Variants in HHIP observed in about 807,000 individuals in gnomAD.
HHIP encodes hedgehog interacting protein.
Under a neutral mutation model 74.0 loss-of-function variants are expected in HHIP, and 12 were observed. The observed-to-expected ratio is 0.16, with a 90% CI of 0.10 to 0.26. The LOEUF (loss-of-function observed/expected upper bound fraction) is 0.26. Among genes scored for constraint, HHIP ranks in the 10% least tolerant of loss-of-function variants. The pLI is 1.00. For missense variants in HHIP, 788 were observed against 845.0 expected, an observed-to-expected ratio of 0.93 and a Z score of 0.84; for synonymous variants, 309 against 311.6, an observed-to-expected ratio of 0.99 and a Z score of 0.09.
chr4:144,726,758 A>G (rs777108959), intron 11 of HHIP, among the ~76,000 whole-genome samples: 26 of 152,220 alleles, frequency 1.7e-4, no homozygotes, highest in Non-Finnish European at 3.2e-4. Context: ...CACAAGCAGA[A>G]AAAGCCTTCT....
intron 11 of HHIP, among the ~76,000 whole-genome samples, chr4:144,721,913 A>G: frequency 6.6e-6 from 1 of 152,016 alleles, no homozygotes; most frequent in East Asian, 1.9e-4. Flanking sequence ...AAAAAAAAAA[A>G]AAAAGCAACT....
chr4:144,692,216 G>T (rs1729693275), intron 4 of HHIP, among the ~76,000 whole-genome samples: 2 of 152,110 alleles, frequency 1.3e-5, no homozygotes, highest in Non-Finnish European at 2.9e-5. Context: ...GAAGCTCAGG[G>T]GTGTTAAATT....
chr4:144,724,531 A>G (rs919700745), intron 11 of HHIP, among the ~76,000 whole-genome samples: 1 of 151,460 alleles, frequency 6.6e-6, no homozygotes, highest in Non-Finnish European at 1.5e-5. Flanking sequence ...ATATATTTAC[A>G]GTGTACAACA....
At chr4:144,689,326 A>G (rs1403098299) in intron 4 of HHIP, among the ~76,000 whole-genome samples, 2 of 152,238 alleles carry the variant, frequency 1.3e-5, no homozygotes, top group African/African-American at 4.8e-5. Context: ...TGAGAATGAC[A>G]TCATAATGAT....
chr4:144,646,556 G>A lies in HHIP; in HGVS notation c.-120G>A, dbSNP rs1728263854. 2.0e-6 allele frequency: 2 copies of A among 992,104 alleles called. No individual in the cohort carries two copies. The highest frequency in any genetic ancestry group is 3.0e-6 in the Non-Finnish European group (2 of 664,850). 61.5% of individuals were successfully genotyped at this position (992,104 alleles called of 1,614,324 possible). On this transcript the variant is annotated 5_prime_UTR_variant, in exon 1 of 13. Coordinates refer to ENST00000296575, the MANE Select transcript of HHIP (RefSeq NM_022475.3). ...ATTTTTGTCCCCGCCACCTCCCTCT[G>A]TCTCTGGAGTGCCCTACAGCCCCGC...
At chr4:144,654,695 G>T (rs147301347) in intron 2 of HHIP, among the ~76,000 whole-genome samples, 9 of 152,284 alleles carry the variant, frequency 5.9e-5, no homozygotes, top group African/African-American at 2.2e-4. Flanking sequence ...CAGCACAGAA[G>T]TGTCTTTACA....
chr4:144,714,378 T>C (rs1287478881), intron 9 of HHIP, 30 bp downstream of exon 9: 3 of 1,609,338 alleles, frequency 1.9e-6, no homozygotes, highest in East Asian at 2.2e-5. Flanking sequence ...AACAGTATGA[T>C]ATACCAAATG....
At chr4:144,706,813 C>A in intron 5 of HHIP, 131 bp downstream of exon 5, 1 of 825,038 alleles carries the variant, frequency 1.2e-6, no homozygotes, top group Non-Finnish European at 1.9e-6. Context: ...TTACCTCCAT[C>A]TTGCTGAAAA....
At chr4:144,736,927 C>A (rs1280405392) in intron 12 of HHIP, among the ~76,000 whole-genome samples, 1 of 152,126 alleles carries the variant, frequency 6.6e-6, no homozygotes, top group African/African-American at 2.4e-5. Flanking sequence ...TTTGAAAGGT[C>A]AAAATGACCC....
At chr4:144,711,913 C>A (rs199682054) in intron 7 of HHIP, 37 bp from the exon 8 acceptor site, 6 of 1,592,806 alleles carry the variant, frequency 3.8e-6, no homozygotes, top group Non-Finnish European at 5.1e-6. Flanking sequence ...GAAAAGATCA[C>A]GGTAGGAATT....
In HHIP at chr4:144,691,791, C is replaced by T. The variant is rs557743014; in HGVS notation, c.832-14740C>T. On this transcript the variant is annotated intron_variant, in intron 4 of 12. Coordinates refer to ENST00000296575, the MANE Select transcript of HHIP (RefSeq NM_022475.3). ...TAAGTACCATCAGCAATGCCTCCTC[C>T]AAAGCCCTCACTCTAAAGTCACTTG... Among the ~76,000 whole-genome samples, 36 of 152,106 alleles carry T rather than the reference C, an allele frequency of 2.4e-4. No individual in the cohort carries two copies. The South Asian group carries it at 4.4e-3, about 18-fold the overall frequency.
At chr4:144,718,740 T>C (rs1320678011) in intron 10 of HHIP, 135 bp from the exon 11 acceptor site, 6 of 676,660 alleles carry the variant, frequency 8.9e-6, no homozygotes, top group East Asian at 8.1e-5. Context: ...TGTGAGACTC[T>C]TGCATAATCT....
intron 4 of HHIP, among the ~76,000 whole-genome samples, chr4:144,682,692 T>C (rs561826308): frequency 6.6e-6 from 1 of 152,368 alleles, no homozygotes; most frequent in East Asian, 1.9e-4. Flanking sequence ...CATCTCTATG[T>C]GTCAAACAAA....
At chr4:144,689,657 G>C (rs1642790275) in intron 4 of HHIP, among the ~76,000 whole-genome samples, 1 of 152,084 alleles carries the variant, frequency 6.6e-6, no homozygotes, top group Admixed American at 6.5e-5. Context: ...ACCATTATTT[G>C]TTACTATCAG....
At chr4:144,676,810 T>C (rs1729181298) in intron 4 of HHIP, among the ~76,000 whole-genome samples, 1 of 152,142 alleles carries the variant, frequency 6.6e-6, no homozygotes, top group Admixed American at 6.5e-5. Context: ...AATGACCTGA[T>C]GTATGCCGTA....
intron 9 of HHIP, 34 bp downstream of exon 9, chr4:144,714,382 C>A (rs1001494053): frequency 3.1e-6 from 5 of 1,604,716 alleles, no homozygotes; most frequent in Non-Finnish European, 3.4e-6. Context: ...GTATGATATA[C>A]CAAATGACAT....
intron 10 of HHIP, among the ~76,000 whole-genome samples, chr4:144,718,139 A>G (rs1452987995): frequency 6.6e-6 from 1 of 152,202 alleles, no homozygotes; most frequent in Non-Finnish European, 1.5e-5. Flanking sequence ...AATTGGTAAT[A>G]AATGCTTTGA....
chr4:144,687,876 C>T (rs757154956), intron 4 of HHIP, among the ~76,000 whole-genome samples: 7 of 146,538 alleles, frequency 4.8e-5, no homozygotes, highest in Non-Finnish European at 1.0e-4. Context: ...GAATGGAAAT[C>T]CACCTTTTTG....
intron 1 of HHIP, among the ~76,000 whole-genome samples, chr4:144,649,368 A>G (rs1728358027): frequency 6.6e-6 from 1 of 152,192 alleles, no homozygotes. Flanking sequence ...ATGCTCAGCT[A>G]TGCAATTAAG....
Sources: allele counts gnomAD v4.1 joint callset (sites outside exome capture counted in the v4.1 genomes callset), GRCh38; gene constraint gnomAD v4.1.1; transcripts MANE v1.5; gene names NCBI Gene and HGNC (gene_info 2026-07-23, HGNC 2026-07-21).